The following ENTHD1 variants were observed in gnomAD, a reference collection of about 807,000 sequenced individuals.
ENTHD1 encodes ENTH domain-containing protein 1.
ENTHD1 carries 23 observed loss-of-function variants against 39.1 expected under a neutral mutation model. The observed-to-expected ratio is 0.59, with a 90% CI of 0.42 to 0.83. The LOEUF (loss-of-function observed/expected upper bound fraction) is 0.83, where lower values mean the gene tolerates loss of function less well. Ranked by LOEUF, ENTHD1 falls within the 40% of genes least tolerant of loss-of-function variation. ENTHD1 has a pLI of 0.00. For synonymous variants in ENTHD1, 230 were observed against 258.2 expected, an observed-to-expected ratio of 0.89 and a Z score of 1.05; for missense variants, 624 against 705.4, an observed-to-expected ratio of 0.88 and a Z score of 1.31.
At position 39,766,642 on chromosome 22, in the gene ENTHD1, A is replaced by C. The variant is rs145740148; in HGVS notation, c.833-1033T>G. On this transcript the variant is annotated intron_variant, in intron 5 of 6. Coordinates refer to ENST00000325157, the MANE Select transcript of ENTHD1 (RefSeq NM_152512.4). ...AAATTGTGTGATTCACTATTGAGTG[A>C]TTATACATCACAATGTATGTCATAA... Among the ~76,000 whole-genome samples, 1,195 of 152,340 alleles carry C rather than the reference A, an allele frequency of 7.8e-3. 7 individuals are homozygous for C. The highest frequency in any genetic ancestry group is 0.027 in the African/African-American group (1,133 of 41,582).
intron 5 of ENTHD1, among the ~76,000 whole-genome samples, chr22:39,771,668 A>G (rs2065326251): frequency 6.6e-6 from 1 of 152,210 alleles, no homozygotes; most frequent in African/African-American, 2.4e-5. Context: ...AACAGAGGCT[A>G]GAGGATAGCA....
intron 5 of ENTHD1, among the ~76,000 whole-genome samples, chr22:39,806,424 C>T (rs1464844203): frequency 6.6e-6 from 1 of 152,180 alleles, no homozygotes; most frequent in Non-Finnish European, 1.5e-5. Context: ...GCTGGCCATG[C>T]TGCTCTTCTT....
intron 3 of ENTHD1, among the ~76,000 whole-genome samples, chr22:39,845,298 A>T (rs1377572866): frequency 1.3e-5 from 2 of 152,240 alleles, no homozygotes; most frequent in African/African-American, 2.4e-5. Flanking sequence ...CAAGGGCTTA[A>T]GTAGCCAGTC....
At chr22:39,769,329 C>T (rs1260013537) in intron 5 of ENTHD1, among the ~76,000 whole-genome samples, 1 of 151,952 alleles carries the variant, frequency 6.6e-6, no homozygotes, top group African/African-American at 2.4e-5. Flanking sequence ...AAACGAGGGA[C>T]CGGGAAATTT....
At chr22:39,746,504 G>A (rs1027142674) in intron 6 of ENTHD1, among the ~76,000 whole-genome samples, 2 of 151,926 alleles carry the variant, frequency 1.3e-5, no homozygotes, top group Non-Finnish European at 2.9e-5. Context: ...TCTTTTTTCA[G>A]ATGTTGGTAC....
intron 3 of ENTHD1, among the ~76,000 whole-genome samples, chr22:39,853,096 C>T (rs1353944394): frequency 6.6e-6 from 1 of 152,150 alleles, no homozygotes; most frequent in African/African-American, 2.4e-5. Flanking sequence ...AAAAGCATGA[C>T]AACTACTTTG....
chr22:39,842,292 A>G (rs2065950352), intron 3 of ENTHD1, among the ~76,000 whole-genome samples: 2 of 152,074 alleles, frequency 1.3e-5, no homozygotes, highest in Non-Finnish European at 2.9e-5. Context: ...CTGCCTTGCT[A>G]GATTGGGGAA....
At chr22:39,811,296 C>T in intron 5 of ENTHD1, among the ~76,000 whole-genome samples, 1 of 152,220 alleles carries the variant, frequency 6.6e-6, no homozygotes, top group East Asian at 1.9e-4. Context: ...GAGTGAGGAC[C>T]AAAGCAAACA....
intron 5 of ENTHD1, among the ~76,000 whole-genome samples, chr22:39,768,021 G>T (rs2065291194): frequency 6.6e-6 from 1 of 152,048 alleles, no homozygotes; most frequent in Admixed American, 6.6e-5. Context: ...GAAGCCAAAT[G>T]AAAAATAATG....
chr22:39,871,812 G>A (rs1179443963), intron 2 of ENTHD1, among the ~76,000 whole-genome samples: 1 of 152,194 alleles, frequency 6.6e-6, no homozygotes, highest in East Asian at 1.9e-4. Flanking sequence ...TTAAATAAAA[G>A]TTTTTGGTTT....
chr22:39,840,878 G>A (rs1394723531), intron 3 of ENTHD1, among the ~76,000 whole-genome samples: 8 of 151,668 alleles, frequency 5.3e-5, no homozygotes, highest in African/African-American at 1.9e-4. Flanking sequence ...TCAGCCTCCC[G>A]AGTAGCTGGG....
intron 4 of ENTHD1, among the ~76,000 whole-genome samples, chr22:39,825,707 G>GTTT (rs34494014): frequency 1.4e-5 from 2 of 142,464 alleles, no homozygotes; most frequent in African/African-American, 2.6e-5. Context: ...AGTTTTTGTG[G>GTTT]TTTTTTTTTT....
At chr22:39,789,191 G>A (rs1354041381) in intron 5 of ENTHD1, among the ~76,000 whole-genome samples, 1 of 152,174 alleles carries the variant, frequency 6.6e-6, no homozygotes, top group East Asian at 1.9e-4. Flanking sequence ...ACACAAGAGT[G>A]CAGGTATCTC....
At chr22:39,784,543 TACACACACACACAC>T (rs3044403) in intron 5 of ENTHD1, among the ~76,000 whole-genome samples, 18 of 142,362 alleles carry the variant, frequency 1.3e-4, no homozygotes, top group South Asian at 7.0e-4. Context: ...TCTCTCTGTA[TACACACACACACAC>T]ACACACACAC....
chr22:39,813,589 G>A (rs372096991), intron 5 of ENTHD1, among the ~76,000 whole-genome samples: 15 of 152,154 alleles, frequency 9.9e-5, no homozygotes, highest in Admixed American at 4.6e-4. Flanking sequence ...AAGGAACGGA[G>A]AGCTGCAAAA....
chr22:39,836,149 G>C (rs565921593), intron 3 of ENTHD1, among the ~76,000 whole-genome samples, 191 bp from the exon 4 acceptor site: 1 of 151,986 alleles, frequency 6.6e-6, no homozygotes, highest in Non-Finnish European at 1.5e-5. Context: ...GAGAAGTTCA[G>C]ACTGATTTTA....
intron 2 of ENTHD1, among the ~76,000 whole-genome samples, chr22:39,862,964 T>G (rs1220476967): frequency 6.6e-6 from 1 of 152,140 alleles, no homozygotes; most frequent in Non-Finnish European, 1.5e-5. Flanking sequence ...ACCATCGCCT[T>G]TCGGACCTTC....
intron 3 of ENTHD1, among the ~76,000 whole-genome samples, chr22:39,844,565 GT>G (rs956539313): frequency 2.0e-5 from 3 of 152,016 alleles, no homozygotes; most frequent in African/African-American, 7.2e-5. Flanking sequence ...ACGCAATGAG[GT>G]TTTTTTAAAA....
chr22:39,871,632 C>T (rs998128916), intron 2 of ENTHD1, among the ~76,000 whole-genome samples: 5 of 152,240 alleles, frequency 3.3e-5, no homozygotes, highest in South Asian at 2.1e-4. Context: ...GTTTACTGTG[C>T]TTTGTCGTCC....
Sources: gnomAD v4.1 joint callset for allele counts (sites outside exome capture counted in the v4.1 genomes callset) on GRCh38, gnomAD v4.1.1 for gene constraint, MANE v1.5 for transcripts, NCBI Gene and HGNC (gene_info 2026-07-23, HGNC 2026-07-21) for gene names.